Variants in ASAP2 observed in about 807,000 individuals in gnomAD.
ASAP2 encodes arf-GAP with SH3 domain, ANK repeat and PH domain-containing protein 2.
Under a neutral mutation model 131.4 loss-of-function variants are expected in ASAP2, and 45 were observed. The observed-to-expected ratio is 0.34, with a 90% CI of 0.27 to 0.44. The LOEUF (loss-of-function observed/expected upper bound fraction) is 0.44, where lower values mean the gene tolerates loss of function less well. Ranked by LOEUF, ASAP2 falls within the 20% of genes least tolerant of loss-of-function variation. ASAP2 has a pLI of 1.00. For synonymous variants in ASAP2, 510 were observed against 503.0 expected (o/e 1.01, Z -0.19); for missense variants, 1,011 against 1,297.0 (o/e 0.78, Z 3.39).
intron 4 of ASAP2, among the ~76,000 whole-genome samples, chr2:9,319,486 G>A (rs888116003): frequency 2.6e-5 from 4 of 152,214 alleles, no homozygotes; most frequent in African/African-American, 7.2e-5. Flanking sequence ...CCCAACTCAC[G>A]GGCGGGAAGG....
intron 3 of ASAP2, among the ~76,000 whole-genome samples, chr2:9,316,813 C>A (rs963242478): frequency 1.3e-5 from 2 of 152,004 alleles, no homozygotes; most frequent in South Asian, 2.1e-4. Flanking sequence ...CGGTGTGTGT[C>A]CCCACTCTCC....
intron 12 of ASAP2, among the ~76,000 whole-genome samples, chr2:9,354,886 C>T (rs914245822): frequency 3.9e-5 from 6 of 152,154 alleles, no homozygotes; most frequent in Non-Finnish European, 5.9e-5. Flanking sequence ...CACAGATGTT[C>T]GTTGTGTTTC....
chr2:9,330,186 A>G (rs1156466400), intron 7 of ASAP2, among the ~76,000 whole-genome samples: 4 of 152,206 alleles, frequency 2.6e-5, no homozygotes, highest in African/African-American at 7.2e-5. Flanking sequence ...GCAAAGGAGG[A>G]TGTGCTGAGT....
At chr2:9,242,175 A>C (rs895652961) in intron 1 of ASAP2, among the ~76,000 whole-genome samples, 1 of 152,130 alleles carries the variant, frequency 6.6e-6, no homozygotes, top group Admixed American at 6.5e-5. Context: ...TTGGCCAGAC[A>C]GTGATGGTAG....
intron 9 of ASAP2, among the ~76,000 whole-genome samples, chr2:9,343,445 T>G (rs972878560): frequency 8.5e-5 from 13 of 152,118 alleles, no homozygotes; most frequent in Non-Finnish European, 1.5e-4. Context: ...CTGTTTGTTT[T>G]GTTTGGTTTT....
At chr2:9,299,750 C>G (rs1053074726) in intron 3 of ASAP2, among the ~76,000 whole-genome samples, 2 of 152,214 alleles carry the variant, frequency 1.3e-5, no homozygotes, top group African/African-American at 4.8e-5. Context: ...CAGCTGATAT[C>G]TAGACCTGGA....
chr2:9,274,695 G>A (rs1384171773), intron 1 of ASAP2, among the ~76,000 whole-genome samples: 2 of 152,138 alleles, frequency 1.3e-5, no homozygotes, highest in Non-Finnish European at 2.9e-5. Context: ...CTATAAATAT[G>A]CACCATAATG....
intron 9 of ASAP2, among the ~76,000 whole-genome samples, chr2:9,343,458 T>C (rs11681751): frequency 0.6 from 91,852 of 151,876 alleles, 28,459 homozygotes; most frequent in East Asian, 0.87. Flanking sequence ...TTGGTTTTTG[T>C]TTTTTTGAGA....
intron 22 of ASAP2, among the ~76,000 whole-genome samples, chr2:9,390,092 A>C (rs550290459): frequency 5.3e-5 from 8 of 152,200 alleles, no homozygotes; most frequent in Admixed American, 3.3e-4. Flanking sequence ...GGTTTCCCGA[A>C]GTCTTGGAAT....
Position 9,395,225 on chromosome 2 carries a change from T to A in ASAP2, c.2684+1578T>A, listed in dbSNP as rs1402374064. 4.6e-5 allele frequency among the ~76,000 whole-genome samples: 7 copies of A among 152,194 alleles called. No individual in the cohort carries two copies. In the East Asian group the frequency reaches 1.4e-3, roughly 29 times the overall value. On this transcript the variant is annotated intron_variant, in intron 24 of 27. Transcript: ENST00000281419. Reference sequence around the variant, plus strand: ...CCATGGCTCACGCCTGTAATCCCAGTACTTTGGGAGACCAAGGTGGGCGGA... The same window carrying A: ...CCATGGCTCACGCCTGTAATCCCAGAACTTTGGGAGACCAAGGTGGGCGGA...
intron 2 of ASAP2, among the ~76,000 whole-genome samples, chr2:9,289,599 CCA>C (rs1436673820): frequency 6.6e-6 from 1 of 152,170 alleles, no homozygotes; most frequent in Non-Finnish European, 1.5e-5. Context: ...CACCTGCCTT[CCA>C]AGTGTACTCC....
chr2:9,397,256 C>T (rs1349318870), intron 24 of ASAP2, among the ~76,000 whole-genome samples: 1 of 152,202 alleles, frequency 6.6e-6, no homozygotes, highest in Non-Finnish European at 1.5e-5. Context: ...GAGCCGTCAG[C>T]TCCCAGCAGT....
chr2:9,317,626 A>C (rs1180327774), intron 3 of ASAP2, among the ~76,000 whole-genome samples: 2 of 150,828 alleles, frequency 1.3e-5, no homozygotes, highest in South Asian at 2.1e-4. Context: ...AATCACACCC[A>C]CACACACCCA....
At chr2:9,274,512 G>T (rs1168747769) in intron 1 of ASAP2, among the ~76,000 whole-genome samples, 1 of 151,812 alleles carries the variant, frequency 6.6e-6, no homozygotes, top group African/African-American at 2.4e-5. Flanking sequence ...TAGTAGAATC[G>T]GAGTTTTACC....
At chr2:9,387,114 T>C (rs1485294120) in intron 21 of ASAP2, among the ~76,000 whole-genome samples, 1 of 147,250 alleles carries the variant, frequency 6.8e-6, no homozygotes, top group East Asian at 2.0e-4. Context: ...CTCAGGAGGC[T>C]GAGGCAGGAG....
chr2:9,362,565 G>A (rs1673174888), intron 15 of ASAP2, among the ~76,000 whole-genome samples: 1 of 152,162 alleles, frequency 6.6e-6, no homozygotes, highest in East Asian at 1.9e-4. Flanking sequence ...TGAGCCTGGT[G>A]TGGTGGCCGG....
At chr2:9,323,399 A>T (rs946537562) in intron 6 of ASAP2, 149 bp downstream of exon 6, 4 of 1,240,294 alleles carry the variant, frequency 3.2e-6, no homozygotes. Flanking sequence ...CATTTCTTTT[A>T]CTAGGGAAGC....
chr2:9,215,093 A>G (rs1376769691), intron 1 of ASAP2, among the ~76,000 whole-genome samples: 1 of 152,208 alleles, frequency 6.6e-6, no homozygotes. Context: ...CACCTAGGCT[A>G]TATATTAAGA....
In ASAP2 at chr2:9,400,372, C is replaced by T. The variant is rs182666851; in HGVS notation, c.2734+300C>T. The stretch of plus-strand genomic sequence containing the variant: ...TCCCCCATCTCATGCCTTCCTCCCC[C>T]GCCACCTGCCTTCCTCCACCCCTCC... On this transcript the variant is annotated intron_variant, in intron 25 of 27. Transcript: ENST00000281419. Among the ~76,000 whole-genome samples the T allele has an allele frequency of 2.4e-3, 184 of 76,828 alleles. 2 individuals carry two copies. Among genetic ancestry groups the T allele is most frequent in the African/African-American group, 0.013 (173 of 13,562 alleles). 50.4% of individuals were successfully genotyped at this position (76,828 alleles called of 152,430 possible). A position where few individuals can be genotyped will look rare whatever the true frequency, so the allele number is the denominator to read the frequency against.
Sources: allele counts gnomAD v4.1 joint callset (sites outside exome capture counted in the v4.1 genomes callset), GRCh38; gene constraint gnomAD v4.1.1; transcripts MANE v1.5; gene names NCBI Gene and HGNC (gene_info 2026-07-23, HGNC 2026-07-21).